The following MAGEB2 variants were observed in gnomAD, a reference collection of about 807,000 sequenced individuals.
MAGEB2 encodes the protein MAGE family member B2.
For missense variants in MAGEB2, 365 were observed against 243.2 expected (o/e 1.50, Z -3.33); for synonymous variants, 107 against 96.2 (o/e 1.11, Z -0.66).
chrX:30,217,695 C>G (rs950961812), intron 1 of MAGEB2, among the ~76,000 whole-genome samples: 13 of 111,960 alleles, frequency 1.2e-4, no homozygotes, highest in African/African-American at 4.2e-4. Context: ...TAAGGCCACC[C>G]TCACTTCCTC....
chrX:30,219,378 T>G lies in MAGEB2; in HGVS notation c.798T>G (p.Ser266Arg). ...TGGAGTACAAGCAGGTGCCCAGCAG[T>G]GATCCCCCACGCTTTCAATTCCTGT... ...KYLEYKQVPS[S>R]DPPRFQFLWG... is the part of the protein sequence containing the mutation. The change falls in exon 2 of 2, where the codon AGT becomes AGG. Residue 266 changes from serine to arginine, a missense_variant. Coordinates refer to ENST00000378988, the MANE Select transcript of MAGEB2 (RefSeq NM_002364.5). 1 of 1,212,051 alleles carries G rather than the reference T, an allele frequency of 8.3e-7. No individual in the cohort carries two copies. Among genetic ancestry groups the G allele is most frequent in the Non-Finnish European group, 1.1e-6 (1 of 895,500 alleles).
In MAGEB2 at chrX:30,219,544, A is replaced by G. The variant is rs757914942; in HGVS notation, c.*4A>G. On this transcript the variant is annotated 3_prime_UTR_variant, in exon 2 of 2. Coordinates refer to ENST00000378988, the MANE Select transcript of MAGEB2 (RefSeq NM_002364.5). ...TGAAGAGAAAGCCGGAGTCTGAGCC[A>G]GAGTTGTAGCCAGGCCTTGCACTAC... 8.4e-6 allele frequency: 10 copies of G among 1,189,642 alleles called. No homozygotes were observed. The Admixed American group carries it at 1.1e-4, about 14-fold the overall frequency.
At chrX:30,218,174 A>T (rs1924450382) in intron 1 of MAGEB2, among the ~76,000 whole-genome samples, 1 of 112,133 alleles carries the variant, frequency 8.9e-6, no homozygotes, top group African/African-American at 3.2e-5. Flanking sequence ...TGAGGTGTCA[A>T]ATTCACAGTA....
Position 30,218,648 on chromosome X carries a change from G to T in MAGEB2, c.68G>T (p.Arg23Leu). Residue 23 changes from arginine to leucine, a missense_variant, in exon 2 of 2, where the codon CGG becomes CTG. Coordinates refer to ENST00000378988, the MANE Select transcript of MAGEB2 (RefSeq NM_002364.5). ...EKRRKARDETRGLNVPQVTEA... is the reference protein window; with the variant it reads ...EKRRKARDETLGLNVPQVTEA... The stretch of plus-strand genomic sequence containing the variant: ...CGCCGCAAGGCCCGAGATGAGACCC[G>T]GGGTCTCAATGTTCCTCAGGTCACT... 8.3e-7 allele frequency: 1 copy of T among 1,209,917 alleles called. No individual in the cohort carries two copies. Among genetic ancestry groups the T allele is most frequent in the African/African-American group, 1.7e-5 (1 of 57,770 alleles).
intron 1 of MAGEB2, among the ~76,000 whole-genome samples, chrX:30,216,561 C>A (rs1428277821): frequency 9.0e-6 from 1 of 111,478 alleles, no homozygotes; most frequent in Non-Finnish European, 1.9e-5. Context: ...CCCAAGACAT[C>A]TCAGAGAAGT....
At chrX:30,216,754 G>A (rs1362857303) in intron 1 of MAGEB2, among the ~76,000 whole-genome samples, 3 of 109,196 alleles carry the variant, frequency 2.7e-5, no homozygotes, top group East Asian at 2.9e-4. Flanking sequence ...GAGCGGTGGC[G>A]GGCGCCTGTA....
At position 30,219,190 on chromosome X, in the gene MAGEB2, C is replaced by T. The variant is rs1295901030; in HGVS notation, c.610C>T (p.Leu204=). 1 of 1,210,484 alleles carries T rather than the reference C, an allele frequency of 8.3e-7. No homozygotes were observed. Among genetic ancestry groups the T allele is most frequent in the Non-Finnish European group, 1.1e-6 (1 of 894,685 alleles). The change falls in exon 2 of 2, where the codon CTG becomes TTG. Residue 204 remains leucine, a synonymous_variant. Transcript: ENST00000378988. ...SSWDFPRRKL[L]MPLLGVIFLN... is the part of the protein sequence containing the mutation. ...CTGGGACTTTCCCAGGAGAAAGCTT[C>T]TGATGCCTCTCCTGGGTGTGATCTT...
chrX:30,218,686 G>C lies in MAGEB2; in HGVS notation c.106G>C (p.Glu36Gln). The C allele has an allele frequency of 1.7e-6, 2 of 1,207,795 alleles. No individual in the cohort carries two copies. Among genetic ancestry groups the C allele is most frequent in the Non-Finnish European group, 2.2e-6 (2 of 893,160 alleles). The change falls in exon 2 of 2, where the codon GAA becomes CAA. Residue 36 changes from glutamate to glutamine, a missense_variant. Transcript: ENST00000378988. ...NVPQVTEAEE[E>Q]EAPCCSSSVS... is the part of the protein sequence containing the mutation. ...TCCTCAGGTCACTGAAGCAGAGGAA[G>C]AAGAGGCCCCCTGCTGTTCCTCTTC...
At position 30,218,749 on chromosome X, in the gene MAGEB2, G is replaced by A. The variant is rs2147330191; in HGVS notation, c.169G>A (p.Gly57Ser). 8.4e-7 allele frequency: 1 copy of A among 1,196,218 alleles called. No individual in the cohort carries two copies. Among genetic ancestry groups the A allele is most frequent in the East Asian group, 3.0e-5 (1 of 33,228 alleles). ...GGAASSSPAA[G>S]IPQEPQRAPT... Reference sequence around the variant, plus strand: ...TGCTGCTTCAAGCTCTCCTGCTGCTGGCATTCCCCAGGAGCCTCAGAGAGC... The same window carrying A: ...TGCTGCTTCAAGCTCTCCTGCTGCTAGCATTCCCCAGGAGCCTCAGAGAGC... The change falls in exon 2 of 2, where the codon GGC becomes AGC. Residue 57 changes from glycine to serine, a missense_variant. By Grantham distance (56) the Gly-to-Ser change is moderately conservative (BLOSUM62 0). Coordinates refer to ENST00000378988, the MANE Select transcript of MAGEB2 (RefSeq NM_002364.5).
chrX:30,218,626 C>T lies in MAGEB2; in HGVS notation c.46C>T (p.Arg16Cys), dbSNP rs200649828. The T allele has an allele frequency of 7.4e-5, 90 of 1,209,378 alleles. No individual in the cohort carries two copies. The highest frequency in any genetic ancestry group is 2.3e-4 in the South Asian group (13 of 56,554). Residue 16 changes from arginine (R) to cysteine (C), a missense_variant, in exon 2 of 2, where the codon CGC (arginine) becomes TGC (cysteine). Transcript: ENST00000378988. ...KSKLRAREKR[R>C]KARDETRGLN... Reference sequence around the variant, plus strand: ...TAAGCTCCGTGCCCGTGAGAAACGCCGCAAGGCCCGAGATGAGACCCGGGG... The same window carrying T: ...TAAGCTCCGTGCCCGTGAGAAACGCTGCAAGGCCCGAGATGAGACCCGGGG...
At position 30,218,518 on chromosome X, in the gene MAGEB2, C is replaced by G. The variant is rs1924460640; in HGVS notation, c.-5-58C>G. On this transcript the variant is annotated intron_variant, in intron 1 of 1. Coordinates refer to ENST00000378988, the MANE Select transcript of MAGEB2 (RefSeq NM_002364.5). ...TGAAGGTGCTCACAGATCTCATTCT[C>G]CCATCTCCAGGTATACTAACCATCT... 6 of 1,143,354 alleles carry G rather than the reference C, an allele frequency of 5.2e-6. No homozygotes were observed. In the Admixed American group the frequency reaches 1.4e-4, roughly 27 times the overall value. 94.2% of individuals were successfully genotyped at this position (1,143,354 alleles called of 1,213,427 possible). A position where few individuals can be genotyped will look rare whatever the true frequency, so the allele number is the denominator to read the frequency against.
chrX:30,216,491 C>A (rs1256212404), intron 1 of MAGEB2, among the ~76,000 whole-genome samples: 1 of 111,181 alleles, frequency 9.0e-6, no homozygotes, highest in Non-Finnish European at 1.9e-5. Context: ...CATATAGAGC[C>A]CACTCTTGTT....
Position 30,218,564 on chromosome X carries a change from T to C in MAGEB2, c.-5-12T>C. On this transcript the variant is annotated splice_polypyrimidine_tract_variant and intron_variant, in intron 1 of 1. Coordinates refer to ENST00000378988, the MANE Select transcript of MAGEB2 (RefSeq NM_002364.5). Reference sequence around the variant, plus strand: ...CATCTATTCTTCTGCCCACATTTCTTGGTTTACCCAGCCATCATGCCTCGT... The same window carrying C: ...CATCTATTCTTCTGCCCACATTTCTCGGTTTACCCAGCCATCATGCCTCGT... The C allele has an allele frequency of 8.4e-7, 1 of 1,187,173 alleles. No homozygotes were observed. The highest frequency in any genetic ancestry group is 1.1e-6 in the Non-Finnish European group (1 of 882,947).
rs1430422923 is a variant in MAGEB2 at position 30,219,670 on chromosome X, T to A, written c.*130T>A. On this transcript the variant is annotated 3_prime_UTR_variant, in exon 2 of 2. Transcript: ENST00000378988. ...TTACTTTGTAATTCAAAAGGCCTGTTAACCTTTGTTCTTGTTATGCATGAA... is the reference window on the plus strand; with the variant it reads ...TTACTTTGTAATTCAAAAGGCCTGTAAACCTTTGTTCTTGTTATGCATGAA... The A allele has an allele frequency of 3.5e-6, 2 of 576,660 alleles. No individual in the cohort carries two copies. The allele number at this position is 576,660 out of a possible 1,213,427, so 47.5% of individuals were successfully genotyped here. A position where few individuals can be genotyped will look rare whatever the true frequency, so the allele number is the denominator to read the frequency against.
intron 1 of MAGEB2, among the ~76,000 whole-genome samples, chrX:30,216,082 C>T (rs1359172725): frequency 9.0e-6 from 1 of 111,149 alleles, no homozygotes; most frequent in African/African-American, 3.3e-5. Context: ...TGGCATCAAC[C>T]TAAAACCTAA....
At chrX:30,216,662 C>T (rs926781889) in intron 1 of MAGEB2, among the ~76,000 whole-genome samples, 5 of 110,267 alleles carry the variant, frequency 4.5e-5, no homozygotes, top group Non-Finnish European at 9.5e-5. Context: ...AGGCGGATCA[C>T]GAGGTCAGGA....
At position 30,219,239 on chromosome X, in the gene MAGEB2, A is replaced by C. The variant is rs1456405659; in HGVS notation, c.659A>C (p.Glu220Ala). The C allele has an allele frequency of 8.3e-7, 1 of 1,211,479 alleles. No homozygotes were observed. The highest frequency in any genetic ancestry group is 1.1e-6 in the Non-Finnish European group (1 of 895,278). The change falls in exon 2 of 2, where the codon GAG becomes GCG. Residue 220 changes from glutamate (E) to alanine (A), a missense_variant. By Grantham distance (107) the Glu-to-Ala change is moderately radical. Coordinates refer to ENST00000378988, the MANE Select transcript of MAGEB2 (RefSeq NM_002364.5). ...VIFLNGNSAT[E>A]EEIWEFLNML... ...TTCTTAAATGGCAACTCAGCTACTG[A>C]GGAAGAGATCTGGGAATTCCTGAAT...
rs1367848012 is a variant in MAGEB2 at position 30,219,195 on chromosome X, G to A, written c.615G>A (p.Met205Ile). ...ACTTTCCCAGGAGAAAGCTTCTGATGCCTCTCCTGGGTGTGATCTTCTTAA... is the reference window on the plus strand; with the variant it reads ...ACTTTCCCAGGAGAAAGCTTCTGATACCTCTCCTGGGTGTGATCTTCTTAA... Reference protein sequence around the residue: ...SWDFPRRKLLMPLLGVIFLNG... With the variant: ...SWDFPRRKLLIPLLGVIFLNG... Residue 205 changes from methionine (M) to isoleucine (I), a missense_variant, in exon 2 of 2, where the codon ATG becomes ATA. Met to Ile is a conservative substitution (Grantham distance 10). Transcript: ENST00000378988. The A allele has an allele frequency of 5.0e-6, 6 of 1,209,994 alleles. No individual in the cohort carries two copies. Among genetic ancestry groups the A allele is most frequent in the Non-Finnish European group, 6.7e-6 (6 of 894,315 alleles).
intron 1 of MAGEB2, among the ~76,000 whole-genome samples, chrX:30,217,158 G>C (rs1442907638): frequency 9.0e-6 from 1 of 111,580 alleles, no homozygotes; most frequent in Non-Finnish European, 1.9e-5. Flanking sequence ...GTACTAATTG[G>C]TCCATTCTGG....
Sources: allele counts gnomAD v4.1 joint callset (sites outside exome capture counted in the v4.1 genomes callset), GRCh38; gene constraint gnomAD v4.1.1; transcripts MANE v1.5; gene names NCBI Gene and HGNC (gene_info 2026-07-23, HGNC 2026-07-21).